ARID2: variants seen among roughly 807,000 people sequenced by gnomAD.
ARID2 encodes AT-rich interactive domain-containing protein 2.
In ARID2, 32 loss-of-function variants were observed where a neutral mutation model predicts 184.6. That is an observed-to-expected ratio of 0.17 (90% CI 0.13 to 0.23). ARID2 has a LOEUF of 0.23. Ranked by LOEUF, ARID2 falls within the 10% of genes least tolerant of loss-of-function variation. The pLI, the probability that ARID2 is intolerant of heterozygous loss-of-function variation, is 1.00. For synonymous variants in ARID2, 836 were observed against 772.6 expected, an observed-to-expected ratio of 1.08 and a Z score of -1.36; for missense variants, 1,696 against 2,197.6, an observed-to-expected ratio of 0.77 and a Z score of 4.56.
intron 3 of ARID2, among the ~76,000 whole-genome samples, chr12:45,784,638 T>C (rs1351931166): frequency 6.6e-6 from 1 of 152,184 alleles, no homozygotes; most frequent in East Asian, 1.9e-4. Flanking sequence ...CACTCCAGCC[T>C]GAGTGACAGA....
At chr12:45,791,789 G>A (rs1942296823) in intron 3 of ARID2, among the ~76,000 whole-genome samples, 1 of 152,116 alleles carries the variant, frequency 6.6e-6, no homozygotes. Context: ...TCAACTATCT[G>A]ATATAATTCC....
chr12:45,876,935 C>CA (rs935939745), intron 16 of ARID2, among the ~76,000 whole-genome samples: 2 of 151,040 alleles, frequency 1.3e-5, no homozygotes, highest in African/African-American at 2.4e-5. Flanking sequence ...TAAAAAAATA[C>CA]AAAAAAATTA....
intron 16 of ARID2, among the ~76,000 whole-genome samples, chr12:45,862,064 GTGTAGCCTA>G (rs1943759588): frequency 1.3e-5 from 2 of 152,100 alleles, no homozygotes. Flanking sequence ...ATGGCTACCT[GTGTAGCCTA>G]GGGATTATTA....
intron 3 of ARID2, among the ~76,000 whole-genome samples, chr12:45,736,164 T>C (rs1941115752): frequency 1.3e-5 from 2 of 152,298 alleles, no homozygotes; most frequent in Non-Finnish European, 2.9e-5. Flanking sequence ...AAGACCAGTC[T>C]GGCTAACACA....
intron 3 of ARID2, among the ~76,000 whole-genome samples, chr12:45,767,577 C>G (rs1941796973): frequency 2.6e-5 from 4 of 152,086 alleles, no homozygotes; most frequent in Admixed American, 2.0e-4. Context: ...GCCTGTAATC[C>G]CAGCTCCTTG....
chr12:45,902,385 AAG>A (rs1944470908), intron 20 of ARID2, among the ~76,000 whole-genome samples: 1 of 152,212 alleles, frequency 6.6e-6, no homozygotes, highest in African/African-American at 2.4e-5. Context: ...ATTCAAATAA[AAG>A]AATACTTTTT....
chr12:45,888,678 TATC>T (rs1256584258), intron 16 of ARID2, among the ~76,000 whole-genome samples: 2 of 152,176 alleles, frequency 1.3e-5, no homozygotes, highest in African/African-American at 4.8e-5. Context: ...GATTTATACA[TATC>T]ATCAAATTTA....
Position 45,901,470 on chromosome 12 carries a change from G to A in ARID2, c.5364-3464G>A, listed in dbSNP as rs576742656. Among the ~76,000 whole-genome samples the A allele has an allele frequency of 4.6e-5, 7 of 150,540 alleles. No homozygotes were observed. The East Asian group carries it at 6.0e-4, about 13-fold the overall frequency. Reference sequence around the variant, plus strand: ...CAGGCATGAGCCACCACCCCCAGCCGGAAATTTCCTTAATTTTTAAGAGCT... The same window carrying A: ...CAGGCATGAGCCACCACCCCCAGCCAGAAATTTCCTTAATTTTTAAGAGCT... On this transcript the variant is annotated intron_variant, in intron 20 of 20. Coordinates refer to ENST00000334344, the MANE Select transcript of ARID2 (RefSeq NM_152641.4).
intron 16 of ARID2, among the ~76,000 whole-genome samples, chr12:45,876,532 CAA>C (rs1037101094): frequency 3.6e-4 from 46 of 128,936 alleles, no homozygotes; most frequent in African/African-American, 1.3e-3. Context: ...GCCTGGGCAA[CAA>C]GAGCGAAACT....
At chr12:45,904,347 TGAA>T in intron 20 of ARID2, 1 of 716,094 alleles carries the variant, frequency 1.4e-6, no homozygotes, top group South Asian at 1.5e-5. Context: ...TCTAGAAACA[TGAA>T]TGAAGATTGA....
intron 3 of ARID2, among the ~76,000 whole-genome samples, chr12:45,803,895 C>T (rs568827609): frequency 5.9e-5 from 9 of 152,218 alleles, no homozygotes; most frequent in African/African-American, 2.2e-4. Context: ...TAGAAAATAA[C>T]GAATGAGTAA....
rs768909200 is a variant in ARID2, at chr12:45,851,606, A to G, written c.3483A>G (p.Ala1161=). 4 of 1,614,180 alleles carry G rather than the reference A, an allele frequency of 2.5e-6. No individual in the cohort carries two copies. In the East Asian group the frequency reaches 8.9e-5, roughly 36 times the overall value. Residue 1161 remains alanine, a synonymous_variant, in exon 15 of 21, where the codon GCA becomes GCG. Coordinates refer to ENST00000334344, the MANE Select transcript of ARID2 (RefSeq NM_152641.4). ...GTCCACTGATCTCAAATAGCCCAGC[A>G]ACCATTTTCCAAGGGACTTCTGGCA... The part of the protein sequence containing the change: ...LPGPLISNSP[A]TIFQGTSGNQ...
intron 3 of ARID2, among the ~76,000 whole-genome samples, chr12:45,795,728 G>A (rs1348421431): frequency 6.6e-6 from 1 of 152,028 alleles, no homozygotes; most frequent in Non-Finnish European, 1.5e-5. Flanking sequence ...GAGCCCCCGC[G>A]CCTGGCCTCT....
At chr12:45,821,385 T>C in intron 5 of ARID2, 35 bp from the exon 6 acceptor site, 1 of 1,283,860 alleles carries the variant, frequency 7.8e-7, no homozygotes. Context: ...TTATTGCATT[T>C]TATTGAATGT....
chr12:45,750,149 C>T (rs1423751299), intron 3 of ARID2, among the ~76,000 whole-genome samples: 3 of 152,194 alleles, frequency 2.0e-5, no homozygotes, highest in African/African-American at 7.2e-5. Context: ...ATATGCAACT[C>T]TTCCTTTCAC....
intron 3 of ARID2, among the ~76,000 whole-genome samples, chr12:45,793,296 A>G (rs1056077624): frequency 2.0e-5 from 3 of 151,916 alleles, no homozygotes; most frequent in African/African-American, 7.3e-5. Context: ...GTGAACCTCC[A>G]TTAAAAAAAA....
chr12:45,886,619 T>C (rs970370319), intron 16 of ARID2, among the ~76,000 whole-genome samples: 34 of 152,324 alleles, frequency 2.2e-4, no homozygotes, highest in African/African-American at 8.2e-4. Flanking sequence ...TCCAGATGTT[T>C]CCATACATCC....
intron 6 of ARID2, among the ~76,000 whole-genome samples, chr12:45,830,684 G>C (rs1170344742): frequency 6.6e-6 from 1 of 152,000 alleles, no homozygotes; most frequent in Non-Finnish European, 1.5e-5. Context: ...ATTGCACAAA[G>C]TGTTTAAATA....
At chr12:45,844,944 T>A (rs1455105006) in intron 11 of ARID2, among the ~76,000 whole-genome samples, 1 of 152,216 alleles carries the variant, frequency 6.6e-6, no homozygotes, top group Middle Eastern at 3.2e-3. Context: ...GATATTCTCA[T>A]GCAAAGCAGT....
Sources: gnomAD v4.1 joint callset for allele counts (sites outside exome capture counted in the v4.1 genomes callset) on GRCh38, gnomAD v4.1.1 for gene constraint, MANE v1.5 for transcripts, NCBI Gene and HGNC (gene_info 2026-07-23, HGNC 2026-07-21) for gene names.